LYPLA1: variants seen among roughly 807,000 people sequenced by gnomAD.
LYPLA1 encodes the protein lysophospholipase 1.
In LYPLA1, 17 loss-of-function variants were observed where a neutral mutation model predicts 34.0. That is an observed-to-expected ratio of 0.50 (90% CI 0.34 to 0.75). LYPLA1 has a LOEUF of 0.75. Among genes scored for constraint, LYPLA1 ranks in the 30% least tolerant of loss-of-function variants. The probability of loss-of-function intolerance (pLI) is 0.01; values close to 1 mark genes in which losing one functional copy is unlikely to be tolerated. For synonymous variants in LYPLA1, 98 were observed against 100.8 expected (o/e 0.97, Z 0.17); for missense variants, 203 against 288.8 (o/e 0.70, Z 2.15).
At chr8:54,049,498 A>G (rs549228978) in intron 8 of LYPLA1, among the ~76,000 whole-genome samples, 5 of 152,230 alleles carry the variant, frequency 3.3e-5, no homozygotes, top group African/African-American at 1.2e-4. Flanking sequence ...TCCGGAGATC[A>G]AGTGATCCTC....
At position 54,047,360 on chromosome 8, in the gene LYPLA1, A is replaced by C. The variant is rs1805542710; in HGVS notation, c.*705T>G. ...AGTAGCTGTCTATTGCAGAGAGGCA[A>C]TACTTGGCCTGCTATGAAGGACAAT... On this transcript the variant is annotated 3_prime_UTR_variant, in exon 9 of 9. Coordinates refer to ENST00000316963, the MANE Select transcript of LYPLA1 (RefSeq NM_006330.4). 6.6e-6 allele frequency: 1 copy of C among 152,118 alleles called. No individual in the cohort carries two copies. Among genetic ancestry groups the C allele is most frequent in the African/African-American group, 2.4e-5 (1 of 41,452 alleles). 9.4% of individuals were successfully genotyped at this position (152,118 alleles called of 1,614,324 possible).
At chr8:54,060,880 A>G (rs1314762918) in intron 5 of LYPLA1, among the ~76,000 whole-genome samples, 1 of 151,458 alleles carries the variant, frequency 6.6e-6, no homozygotes, top group Non-Finnish European at 1.5e-5. Context: ...TTTTTAGTAG[A>G]GACGGGGTTT....
chr8:54,069,123 TA>T (rs1475902311), intron 2 of LYPLA1, among the ~76,000 whole-genome samples: 1 of 152,218 alleles, frequency 6.6e-6, no homozygotes, highest in Non-Finnish European at 1.5e-5. Flanking sequence ...CATCACTTCA[TA>T]CTCACTAGGA....
intron 2 of LYPLA1, among the ~76,000 whole-genome samples, chr8:54,082,091 T>G (rs988023558): frequency 2.6e-5 from 4 of 152,168 alleles, no homozygotes; most frequent in African/African-American, 9.7e-5. Flanking sequence ...ATACAGACTG[T>G]ATCCTCAACG....
intron 2 of LYPLA1, among the ~76,000 whole-genome samples, chr8:54,084,141 A>AATATATATAT (rs760476706): frequency 8.4e-6 from 1 of 118,632 alleles, no homozygotes; most frequent in African/African-American, 4.6e-5. Context: ...AAAATAAATA[A>AATATATATAT]ATATATATAT....
chr8:54,057,651 AT>A (rs1806305541), intron 5 of LYPLA1, among the ~76,000 whole-genome samples: 1 of 152,224 alleles, frequency 6.6e-6, no homozygotes, highest in South Asian at 2.1e-4. Context: ...AAGTATGGTT[AT>A]CAGAGGCTGG....
intron 6 of LYPLA1, among the ~76,000 whole-genome samples, chr8:54,054,167 G>C (rs1036831905): frequency 2.0e-5 from 3 of 152,064 alleles, no homozygotes; most frequent in Admixed American, 6.6e-5. Flanking sequence ...ATTTTTAGTA[G>C]AGACAGGGTT....
chr8:54,064,944 C>T (rs901684875), intron 3 of LYPLA1, among the ~76,000 whole-genome samples: 2 of 152,174 alleles, frequency 1.3e-5, no homozygotes, highest in Non-Finnish European at 2.9e-5. Context: ...ACCTGGGCCA[C>T]AGGTTGGACA....
At chr8:54,059,594 G>A (rs949235693) in intron 5 of LYPLA1, among the ~76,000 whole-genome samples, 1 of 73,266 alleles carries the variant, frequency 1.4e-5, no homozygotes, top group Non-Finnish European at 2.1e-5. Context: ...GTGAGCCACC[G>A]CGCCCGGCCA....
intron 5 of LYPLA1, among the ~76,000 whole-genome samples, chr8:54,061,552 T>C (rs1167089023): frequency 6.6e-6 from 1 of 152,004 alleles, no homozygotes; most frequent in Non-Finnish European, 1.5e-5. Flanking sequence ...GGCAAACAAG[T>C]AACAGAGTGA....
intron 6 of LYPLA1, 126 bp downstream of exon 6, chr8:54,054,934 C>A: frequency 1.6e-6 from 1 of 633,736 alleles, no homozygotes; most frequent in Non-Finnish European, 2.8e-6. Context: ...AATTAAACAT[C>A]AAAGGTAAGT....
intron 2 of LYPLA1, among the ~76,000 whole-genome samples, chr8:54,093,099 A>AT (rs1245061245): frequency 6.6e-6 from 1 of 152,226 alleles, no homozygotes; most frequent in African/African-American, 2.4e-5. Context: ...TAGGGTTGAT[A>AT]TAAGTCAGAG....
At chr8:54,065,206 T>C (rs1806961227) in intron 3 of LYPLA1, among the ~76,000 whole-genome samples, 2 of 152,152 alleles carry the variant, frequency 1.3e-5, no homozygotes. Context: ...ATATCTAAGA[T>C]AATTTTTCTG....
At position 54,053,339 on chromosome 8, in the gene LYPLA1, G is replaced by A. The variant is rs1043319942; in HGVS notation, c.361-583C>T. The A allele has an allele frequency of 8.2e-5, 21 of 256,054 alleles. 1 individual carries two copies. The highest frequency in any genetic ancestry group is 4.7e-4 in the South Asian group (10 of 21,492). 15.9% of individuals were successfully genotyped at this position (256,054 alleles called of 1,614,324 possible). ...AAACTCCCGACCTCAGGTGATCCAC[G>A]CGCCTCAGCCTCCCAAAGTGTTGGG... is the stretch of plus-strand genomic sequence containing the variant. On this transcript the variant is annotated intron_variant, in intron 6 of 8. Coordinates refer to ENST00000316963, the MANE Select transcript of LYPLA1 (RefSeq NM_006330.4).
chr8:54,064,564 A>C (rs754588457), intron 3 of LYPLA1, among the ~76,000 whole-genome samples: 1 of 152,244 alleles, frequency 6.6e-6, no homozygotes, highest in Non-Finnish European at 1.5e-5. Context: ...ATGTTTTCTT[A>C]TCCAATCTTC....
chr8:54,070,027 C>G (rs558255936), intron 2 of LYPLA1, among the ~76,000 whole-genome samples: 1 of 152,310 alleles, frequency 6.6e-6, no homozygotes, highest in South Asian at 2.1e-4. Flanking sequence ...AATCAGAACC[C>G]TCATACACTG....
At chr8:54,066,435 T>C (rs1317468485) in intron 2 of LYPLA1, among the ~76,000 whole-genome samples, 1 of 152,198 alleles carries the variant, frequency 6.6e-6, no homozygotes, top group Non-Finnish European at 1.5e-5. Context: ...AATGTCTTTA[T>C]ACAATGTGTT....
At chr8:54,084,133 A>AAAAAAAAAAAAAAAAATTTTTATAT (rs1373090573) in intron 2 of LYPLA1, among the ~76,000 whole-genome samples, 3 of 120,484 alleles carry the variant, frequency 2.5e-5, no homozygotes, top group Admixed American at 7.7e-5. Flanking sequence ...AGAAAAAAAA[A>AAAAAAAAAAAAAAAAATTTTTATAT]ATAAATAAAT....
chr8:54,084,578 AAGAG>A (rs1377111128), intron 2 of LYPLA1, among the ~76,000 whole-genome samples: 1 of 152,196 alleles, frequency 6.6e-6, no homozygotes, highest in Non-Finnish European at 1.5e-5. Flanking sequence ...CTCAAAAAAA[AAGAG>A]AGAGACTATC....
Sources: allele counts gnomAD v4.1 joint callset (sites outside exome capture counted in the v4.1 genomes callset), GRCh38; gene constraint gnomAD v4.1.1; transcripts MANE v1.5; gene names NCBI Gene and HGNC (gene_info 2026-07-23, HGNC 2026-07-21).